PFKP: variants seen among roughly 807,000 people sequenced by gnomAD.
The protein encoded by PFKP is phosphofructokinase, platelet, also known as ATP-dependent 6-phosphofructokinase, platelet type.
A neutral mutation model predicts 94.3 loss-of-function variants in PFKP; 101 were observed. The ratio of observed to expected loss-of-function variants is 1.07; its 90% confidence interval spans 0.91 to 1.26. The LOEUF is 1.26. Ranked by LOEUF, PFKP falls within the 50% of genes most tolerant of loss-of-function variation. PFKP has a pLI of 0.00. For missense variants in PFKP, 1,145 were observed against 1,103.3 expected, an observed-to-expected ratio of 1.04 and a Z score of -0.53; for synonymous variants, 573 against 432.6, an observed-to-expected ratio of 1.32 and a Z score of -4.03.
In PFKP at chr10:3,120,216, G is replaced by T. The variant is rs141797517; in HGVS notation, c.1683+172G>T. On this transcript the variant is annotated intron_variant, in intron 16 of 21. Coordinates refer to ENST00000381125, the MANE Select transcript of PFKP (RefSeq NM_002627.5). Reference sequence around the variant, plus strand: ...ATGTTTTAAGACTCTGAAAATTTTTGATCTCACTCCCAGAGAGTTTTACCA... The same window carrying T: ...ATGTTTTAAGACTCTGAAAATTTTTTATCTCACTCCCAGAGAGTTTTACCA... Among the ~76,000 whole-genome samples, 126 of 152,162 alleles carry T rather than the reference G, an allele frequency of 8.3e-4. No individual in the cohort carries two copies. The East Asian group carries it at 0.018, about 22-fold the overall frequency.
intron 16 of PFKP, 45 bp downstream of exon 16, chr10:3,120,089 AC>A (rs751371848): frequency 1.9e-6 from 3 of 1,599,976 alleles, no homozygotes; most frequent in Non-Finnish European, 2.6e-6. Flanking sequence ...GCTGACGCTA[AC>A]CCCGGGGCCC....
At chr10:3,068,867 T>A in intron 1 of PFKP, 1 of 230,824 alleles carries the variant, frequency 4.3e-6, no homozygotes, top group Non-Finnish European at 7.1e-6. Context: ...CGCAGATGCG[T>A]GGAAAGGCCC....
intron 2 of PFKP, among the ~76,000 whole-genome samples, chr10:3,092,126 C>G (rs750243765): frequency 1.3e-5 from 2 of 151,624 alleles, no homozygotes; most frequent in Admixed American, 6.6e-5. Context: ...CTCAGGTGCC[C>G]GAGGGTCTCC....
At chr10:3,070,624 T>C (rs940400015) in intron 1 of PFKP, among the ~76,000 whole-genome samples, 1 of 152,210 alleles carries the variant, frequency 6.6e-6, no homozygotes, top group Non-Finnish European at 1.5e-5. Flanking sequence ...GTCCTCATTT[T>C]GGAAGTGGGG....
intron 14 of PFKP, 59 bp from the exon 15 acceptor site, chr10:3,118,723 C>T (rs1372220084): frequency 1.6e-6 from 2 of 1,265,628 alleles, no homozygotes; most frequent in East Asian, 2.4e-5. Flanking sequence ...GGCGTGGCGT[C>T]CTGCGGACCG....
intron 17 of PFKP, among the ~76,000 whole-genome samples, chr10:3,130,300 C>T (rs1398240745): frequency 2.6e-5 from 4 of 152,208 alleles, no homozygotes; most frequent in African/African-American, 9.7e-5. Flanking sequence ...TGACAGTCAC[C>T]ACCCACGTCT....
At chr10:3,082,532 G>A (rs1283547681) in intron 2 of PFKP, 71 bp downstream of exon 2, 32 of 1,080,730 alleles carry the variant, frequency 3.0e-5, no homozygotes, top group African/African-American at 6.3e-5. Context: ...ACCGGCGCTC[G>A]CTCACCCCTG....
intron 2 of PFKP, among the ~76,000 whole-genome samples, chr10:3,092,223 T>G (rs1481045318): frequency 6.6e-6 from 1 of 152,220 alleles, no homozygotes; most frequent in East Asian, 1.9e-4. Flanking sequence ...CATGTGATCT[T>G]AGCTTCCCTT....
intron 1 of PFKP, chr10:3,069,441 G>C: frequency 6.6e-7 from 1 of 1,514,864 alleles, no homozygotes; most frequent in Non-Finnish European, 9.0e-7. Context: ...TGGCTTCTCA[G>C]TCAAAGGCCT....
intron 1 of PFKP, among the ~76,000 whole-genome samples, chr10:3,067,933 A>C (rs939381828): frequency 2.0e-5 from 3 of 152,112 alleles, no homozygotes; most frequent in African/African-American, 7.2e-5. Context: ...GCGGGGCGGC[A>C]TGAGCCGGCG....
chr10:3,113,142 C>A lies in PFKP; in HGVS notation c.1178C>A (p.Thr393Asn), dbSNP rs754839165. 1 of 1,613,182 alleles carries A rather than the reference C, an allele frequency of 6.2e-7. No individual in the cohort carries two copies. The highest frequency in any genetic ancestry group is 8.5e-7 in the Non-Finnish European group (1 of 1,179,722). The change falls in exon 12 of 22, where the codon ACC becomes AAC. Residue 393 changes from threonine to asparagine, a missense_variant. This residue lies in a region of PFKP where 1,119 missense variants were observed against 1,062.8 expected (regional missense o/e 1.05). Coordinates refer to ENST00000381125, the MANE Select transcript of PFKP (RefSeq NM_002627.5). ...RGRSFAGNLNTYKRLAIKLPD... is the reference protein window; with the variant it reads ...RGRSFAGNLNNYKRLAIKLPD... The stretch of plus-strand genomic sequence containing the variant: ...AGGAGCTTTGCGGGCAACCTGAACA[C>A]CTACAAGCGACTTGCCATCAAGCTG...
intron 2 of PFKP, among the ~76,000 whole-genome samples, chr10:3,089,854 T>C (rs1833912402): frequency 6.6e-6 from 1 of 152,120 alleles, no homozygotes; most frequent in Admixed American, 6.6e-5. Flanking sequence ...TAACCATCCT[T>C]CTTTACACCC....
At chr10:3,117,323 A>T (rs1039676402) in intron 14 of PFKP, among the ~76,000 whole-genome samples, 52 of 152,080 alleles carry the variant, frequency 3.4e-4, no homozygotes, top group African/African-American at 1.3e-3. Context: ...TCTTTTTCAG[A>T]CCTACAGTAA....
Position 3,118,873 on chromosome 10 carries a change from C to CG in PFKP, c.1530+5dup, listed in dbSNP as rs1837106918. On this transcript the variant is annotated splice_donor_region_variant and intron_variant, in intron 15 of 21. Coordinates refer to ENST00000381125, the MANE Select transcript of PFKP (RefSeq NM_002627.5). ...GCTGATCATCGGTGGATTCGAGGTA[C>CG]GTTACCGTTTCTCTCTTGCCGGTCT... 1 of 1,608,756 alleles carries CG rather than the reference C, an allele frequency of 6.2e-7. No homozygotes were observed. Among genetic ancestry groups the CG allele is most frequent in the Non-Finnish European group, 8.5e-7 (1 of 1,175,700 alleles).
intron 2 of PFKP, among the ~76,000 whole-genome samples, chr10:3,098,108 T>A (rs993846581): frequency 1.3e-5 from 2 of 152,212 alleles, no homozygotes; most frequent in Non-Finnish European, 2.9e-5. Context: ...GTGCCTGCAC[T>A]ATTGATTAAT....
chr10:3,113,515 C>T lies in PFKP; in HGVS notation c.1368C>T (p.Gly456=), dbSNP rs145021888. 17 of 1,612,046 alleles carry T rather than the reference C, an allele frequency of 1.1e-5. No homozygotes were observed. Among genetic ancestry groups the T allele is most frequent in the Non-Finnish European group, 1.4e-5 (16 of 1,179,854 alleles). The change falls in exon 13 of 22, where the codon GGC becomes GGT. Residue 456 remains glycine (G), a synonymous_variant. Transcript: ENST00000381125. ...ATGGCTTTGACGGCTTCGCCAAGGG[C>T]CAGGTGAGTCACCCAGGATGCCGTA... ...IYDGFDGFAK[G]QIKEIGWTDV...
chr10:3,068,121 G>A (rs939336970), intron 1 of PFKP, among the ~76,000 whole-genome samples: 3 of 152,206 alleles, frequency 2.0e-5, no homozygotes, highest in Admixed American at 6.5e-5. Flanking sequence ...GTAGGACGGG[G>A]CCGGGCGTCC....
Position 3,112,405 on chromosome 10 carries a change from A to G in PFKP, c.1154+119A>G, listed in dbSNP as rs1836338667. ...TGTCACTGTGAAAAATCAGAAAGTCAGGCAGTACTCACAGCACCGCTCTTG... is the reference window on the plus strand; with the variant it reads ...TGTCACTGTGAAAAATCAGAAAGTCGGGCAGTACTCACAGCACCGCTCTTG... On this transcript the variant is annotated intron_variant, in intron 11 of 21. Transcript: ENST00000381125. 3 of 790,824 alleles carry G rather than the reference A, an allele frequency of 3.8e-6. No homozygotes were observed. The East Asian group carries it at 7.4e-5, about 20-fold the overall frequency. 49.0% of individuals were successfully genotyped at this position (790,824 alleles called of 1,614,324 possible). A position where few individuals can be genotyped will look rare whatever the true frequency, so the allele number is the denominator to read the frequency against.
intron 16 of PFKP, among the ~76,000 whole-genome samples, 185 bp downstream of exon 16, chr10:3,120,229 G>C (rs1299237901): frequency 6.6e-6 from 1 of 152,156 alleles, no homozygotes; most frequent in Non-Finnish European, 1.5e-5. Context: ...CTCACTCCCA[G>C]AGAGTTTTAC....
Sources: gnomAD v4.1 joint callset for allele counts (sites outside exome capture counted in the v4.1 genomes callset) on GRCh38, gnomAD v4.1.1 for gene constraint, gnomAD v4.1.1 regional missense constraint, MANE v1.5 for transcripts, NCBI Gene and HGNC (gene_info 2026-07-23, HGNC 2026-07-21) for gene names.